Variants in ANKH observed in about 807,000 individuals in gnomAD.
ANKH encodes mineralization regulator ANKH.
Under a neutral mutation model 49.0 loss-of-function variants are expected in ANKH, and 15 were observed. The observed-to-expected ratio is 0.31, with a 90% confidence interval of 0.20 to 0.47. The LOEUF (loss-of-function observed/expected upper bound fraction) is 0.47, where lower values mean the gene tolerates loss of function less well. ANKH is among the 20% of genes least tolerant of loss of function. ANKH has a pLI of 1.00. For synonymous variants in ANKH, 273 were observed against 260.0 expected, an observed-to-expected ratio of 1.05 and a Z score of -0.48; for missense variants, 429 against 652.0, an observed-to-expected ratio of 0.66 and a Z score of 3.72.
rs1218812848 is a variant in ANKH at position 14,836,305 on chromosome 5, T to C, written c.96+35047A>G. Reference sequence around the variant, plus strand: ...GGAGAAAGAAATAAAGGGTATTCAATTAGGAAAAGAGGAAGTGAAATTGTC... The same window carrying C: ...GGAGAAAGAAATAAAGGGTATTCAACTAGGAAAAGAGGAAGTGAAATTGTC... On this transcript the variant is annotated intron_variant, in intron 1 of 11. Transcript: ENST00000284268. 3.9e-5 allele frequency among the ~76,000 whole-genome samples: 6 copies of C among 152,230 alleles called. No homozygotes were observed. The East Asian group carries it at 7.7e-4, about 20-fold the overall frequency.
chr5:14,742,734 C>T (rs578160850), intron 7 of ANKH, among the ~76,000 whole-genome samples: 2 of 152,302 alleles, frequency 1.3e-5, no homozygotes, highest in South Asian at 2.1e-4. Flanking sequence ...ACAACATCTG[C>T]GTAGAAAAGA....
At chr5:14,867,039 C>T (rs919156271) in intron 1 of ANKH, among the ~76,000 whole-genome samples, 7 of 151,872 alleles carry the variant, frequency 4.6e-5, no homozygotes, top group Non-Finnish European at 1.0e-4. Flanking sequence ...CGCCTGTAGT[C>T]CCCGCTACTC....
chr5:14,799,829 G>A (rs911011003), intron 1 of ANKH, among the ~76,000 whole-genome samples: 2 of 152,078 alleles, frequency 1.3e-5, no homozygotes, highest in Non-Finnish European at 2.9e-5. Context: ...TCCATTCTGC[G>A]GTCCACGGAT....
chr5:14,839,701 T>A (rs1370220515), intron 1 of ANKH, among the ~76,000 whole-genome samples: 1 of 152,190 alleles, frequency 6.6e-6, no homozygotes, highest in East Asian at 1.9e-4. Flanking sequence ...TTCAAGACAC[T>A]GGAAAACAGA....
chr5:14,766,808 C>T (rs753408046), intron 2 of ANKH, among the ~76,000 whole-genome samples: 12 of 152,190 alleles, frequency 7.9e-5, no homozygotes, highest in Admixed American at 1.3e-4. Context: ...GGAATATATG[C>T]TCATTTCAAT....
At chr5:14,820,959 G>A (rs187413860) in intron 1 of ANKH, among the ~76,000 whole-genome samples, 9 of 152,040 alleles carry the variant, frequency 5.9e-5, no homozygotes, top group Non-Finnish European at 8.8e-5. Flanking sequence ...ATTAGCTGGG[G>A]GTGGTGGTGA....
intron 1 of ANKH, among the ~76,000 whole-genome samples, chr5:14,854,411 G>T (rs1742200284): frequency 6.6e-6 from 1 of 152,190 alleles, no homozygotes; most frequent in South Asian, 2.1e-4. Flanking sequence ...CGGGCATGGT[G>T]GCTCACGCCT....
Position 14,745,888 on chromosome 5 carries a change from C to A in ANKH, c.897G>T (p.Val299=), listed in dbSNP as rs748349350. The A allele has an allele frequency of 6.2e-7, 1 of 1,614,198 alleles. No individual in the cohort carries two copies. The change falls in exon 7 of 12, where the codon GTG becomes GTT. Residue 299 remains valine (V), a synonymous_variant. Coordinates refer to ENST00000284268, the MANE Select transcript of ANKH (RefSeq NM_054027.6). The surrounding 1 kb of genome is among the most constrained non-coding windows in gnomAD (Gnocchi z 4.7). ...TTCTCACCTTGTCGAAAGCAGGATA[C>A]ACAGCACGGATTTCCGTCAACCAGC... is the stretch of plus-strand genomic sequence containing the variant. ...PYGWLTEIRA[V]YPAFDKNNPS...
intron 1 of ANKH, among the ~76,000 whole-genome samples, chr5:14,793,025 T>TATATATAAAA (rs1740235346): frequency 2.7e-5 from 2 of 73,678 alleles, no homozygotes; most frequent in Non-Finnish European, 4.9e-5. Context: ...TATATAAATA[T>TATATATAAAA]ATATATATAA....
intron 2 of ANKH, among the ~76,000 whole-genome samples, chr5:14,766,836 T>A (rs1188608921): frequency 6.6e-6 from 1 of 152,216 alleles, no homozygotes; most frequent in Non-Finnish European, 1.5e-5. Context: ...CAAGCAAATA[T>A]AATCAGGAAG....
chr5:14,757,428 ATAT>A (rs1277327947), intron 3 of ANKH, among the ~76,000 whole-genome samples: 2 of 128,094 alleles, frequency 1.6e-5, no homozygotes, highest in East Asian at 2.1e-4. Flanking sequence ...ATATATATAT[ATAT>A]TTTTTTTTTT....
chr5:14,738,543 T>G (rs964377789), intron 8 of ANKH, among the ~76,000 whole-genome samples: 10 of 152,218 alleles, frequency 6.6e-5, no homozygotes, highest in African/African-American at 2.2e-4. Context: ...CAGAATCATC[T>G]GCTGAAATAA....
intron 1 of ANKH, among the ~76,000 whole-genome samples, chr5:14,864,134 G>C (rs982142203): frequency 2.0e-5 from 3 of 152,216 alleles, no homozygotes; most frequent in Admixed American, 6.5e-5. Context: ...GATGGCTTTA[G>C]CCCCGGAATT....
At chr5:14,731,772 A>T (rs920916823) in intron 8 of ANKH, among the ~76,000 whole-genome samples, 1 of 152,242 alleles carries the variant, frequency 6.6e-6, no homozygotes, top group Admixed American at 6.5e-5. Flanking sequence ...CAAGCGGCTA[A>T]TTTAAAAAGC....
intron 1 of ANKH, among the ~76,000 whole-genome samples, chr5:14,813,223 A>T (rs1740938458): frequency 6.7e-6 from 1 of 149,130 alleles, no homozygotes. Flanking sequence ...CCTGGGCAAT[A>T]GAGAGAAATG....
At position 14,757,411 on chromosome 5, in the gene ANKH, A is replaced by AATATATAT. The variant is rs1384993981; in HGVS notation, c.432+1068_432+1069insATATATAT. ...ACTTTCCAGCATTGGACCTTATTGGAACATATATATATATATATATTTTTT... is the reference window on the plus strand; with the variant it reads ...ACTTTCCAGCATTGGACCTTATTGGAATATATATACATATATATATATATATATTTTTT... On this transcript the variant is annotated intron_variant, in intron 3 of 11. Coordinates refer to ENST00000284268, the MANE Select transcript of ANKH (RefSeq NM_054027.6). Among the ~76,000 whole-genome samples the AATATATAT allele has an allele frequency of 1.9e-3, 181 of 96,182 alleles. 11 individuals carry two copies. Among genetic ancestry groups the AATATATAT allele is most frequent in the African/African-American group, 4.9e-3 (95 of 19,222 alleles). 63.1% of individuals were successfully genotyped at this position (96,182 alleles called of 152,430 possible). A position where few individuals can be genotyped will look rare whatever the true frequency, so the allele number is the denominator to read the frequency against.
intron 1 of ANKH, among the ~76,000 whole-genome samples, chr5:14,793,023 TATATATATATAA>T (rs1554006436): frequency 1.1e-4 from 7 of 66,602 alleles, no homozygotes; most frequent in African/African-American, 1.2e-4. Context: ...TATATATAAA[TATATATATATAA>T]AAATATATAT....
intron 1 of ANKH, among the ~76,000 whole-genome samples, chr5:14,827,124 G>A (rs1022255500): frequency 1.3e-5 from 2 of 152,242 alleles, no homozygotes; most frequent in Non-Finnish European, 2.9e-5. Flanking sequence ...GGTCACCACT[G>A]TGCGCTCTGG....
intron 8 of ANKH, among the ~76,000 whole-genome samples, chr5:14,736,038 T>TTA (rs1423251072): frequency 7.6e-6 from 1 of 131,260 alleles, no homozygotes; most frequent in African/African-American, 3.2e-5. Context: ...TTTTTTTTTT[T>TTA]AAAGAATCAG....
Sources: gnomAD v4.1 joint callset for allele counts (sites outside exome capture counted in the v4.1 genomes callset) on GRCh38, gnomAD v4.1.1 for gene constraint, Gnocchi (gnomAD v3.1) non-coding constraint, MANE v1.5 for transcripts, NCBI Gene and HGNC (gene_info 2026-07-23, HGNC 2026-07-21) for gene names.